The following ZFAND3 variants were observed in gnomAD, a reference collection of about 807,000 sequenced individuals.
The protein encoded by ZFAND3 is zinc finger AN1-type containing 3.
Under a neutral mutation model 29.6 loss-of-function variants are expected in ZFAND3, and 10 were observed. The observed-to-expected ratio is 0.34, with a 90% CI of 0.21 to 0.57. ZFAND3 has a LOEUF of 0.57. ZFAND3 is among the 20% of genes least tolerant of loss of function. The probability of loss-of-function intolerance (pLI) is 0.86; values close to 1 mark genes in which losing one functional copy is unlikely to be tolerated. For synonymous variants in ZFAND3, 128 were observed against 112.6 expected, an observed-to-expected ratio of 1.14 and a Z score of -0.87; for missense variants, 230 against 304.5, an observed-to-expected ratio of 0.76 and a Z score of 1.82.
intron 1 of ZFAND3, among the ~76,000 whole-genome samples, chr6:37,871,770 T>C (rs1764699206): frequency 1.3e-5 from 2 of 152,200 alleles, no homozygotes; most frequent in African/African-American, 4.8e-5. Context: ...TTTAAATGTC[T>C]AGTAATTTTG....
Position 38,134,727 on chromosome 6 carries a change from C to T in ZFAND3, c.530-17508C>T, listed in dbSNP as rs190222831. 3.3e-3 allele frequency among the ~76,000 whole-genome samples: 504 copies of T among 152,272 alleles called. 1 individual carries two copies. Among genetic ancestry groups the T allele is most frequent in the Non-Finnish European group, 5.3e-3 (358 of 68,020 alleles). ...AAGCAGACCAAAGTCCTGATAAGAC[C>T]ACATGACAGCCCTTACTCCTCAGCT... is the stretch of plus-strand genomic sequence containing the variant. On this transcript the variant is annotated intron_variant, in intron 5 of 5. Coordinates refer to ENST00000287218, the MANE Select transcript of ZFAND3 (RefSeq NM_021943.3).
intron 5 of ZFAND3, among the ~76,000 whole-genome samples, chr6:38,130,960 T>G (rs932037852): frequency 3.9e-5 from 6 of 152,178 alleles, no homozygotes; most frequent in Non-Finnish European, 5.9e-5. Context: ...GTTGATATAT[T>G]TTTAATTAGC....
chr6:38,048,255 C>T (rs547640898), intron 2 of ZFAND3, among the ~76,000 whole-genome samples: 4 of 152,102 alleles, frequency 2.6e-5, no homozygotes, highest in Non-Finnish European at 5.9e-5. Flanking sequence ...TGCCCACCTC[C>T]GCCCCTCAAA....
At position 38,153,861 on chromosome 6, in the gene ZFAND3, C is replaced by T; in HGVS notation, c.*1472C>T. The T allele has an allele frequency of 1.0e-6, 1 of 985,520 alleles. No individual in the cohort carries two copies. Among genetic ancestry groups the T allele is most frequent in the Non-Finnish European group, 1.2e-6 (1 of 829,958 alleles). 61.0% of individuals were successfully genotyped at this position (985,520 alleles called of 1,614,324 possible). A position where few individuals can be genotyped will look rare whatever the true frequency, so the allele number is the denominator to read the frequency against. ...CCCCTGCGGAGGCAGCGTGGATCTG[C>T]CCACACATAGGCTACTGGAATAGTT... On this transcript the variant is annotated 3_prime_UTR_variant, in exon 6 of 6. Coordinates refer to ENST00000287218, the MANE Select transcript of ZFAND3 (RefSeq NM_021943.3).
intron 3 of ZFAND3, among the ~76,000 whole-genome samples, chr6:38,074,481 A>G (rs746093217): frequency 9.9e-5 from 15 of 152,186 alleles, no homozygotes; most frequent in Non-Finnish European, 1.9e-4. Flanking sequence ...TTCTCAAGAC[A>G]GAAAATACTA....
At chr6:37,875,688 T>G (rs1764779945) in intron 1 of ZFAND3, among the ~76,000 whole-genome samples, 1 of 152,034 alleles carries the variant, frequency 6.6e-6, no homozygotes, top group South Asian at 2.1e-4. Context: ...CAGGCTGGTC[T>G]TGCTATGTTG....
At chr6:38,067,376 A>C (rs958944608) in intron 3 of ZFAND3, among the ~76,000 whole-genome samples, 2 of 152,204 alleles carry the variant, frequency 1.3e-5, no homozygotes, top group Admixed American at 1.3e-4. Flanking sequence ...TCCATTTCAC[A>C]GGTGTGAAGA....
intron 2 of ZFAND3, among the ~76,000 whole-genome samples, chr6:38,021,636 G>A (rs1038279355): frequency 1.3e-5 from 2 of 152,164 alleles, no homozygotes; most frequent in African/African-American, 4.8e-5. Context: ...TCTTCTTGTG[G>A]TAAATGTCTG....
At chr6:37,919,138 G>A (rs1405351368) in intron 1 of ZFAND3, among the ~76,000 whole-genome samples, 1 of 151,818 alleles carries the variant, frequency 6.6e-6, no homozygotes, top group Non-Finnish European at 1.5e-5. Flanking sequence ...ATTTTTAGTA[G>A]AGACGGGGTT....
intron 2 of ZFAND3, among the ~76,000 whole-genome samples, chr6:38,051,851 G>A: frequency 6.6e-6 from 1 of 151,958 alleles, no homozygotes; most frequent in East Asian, 1.9e-4. Context: ...CTAATGGATT[G>A]TTAGATATTT....
At chr6:37,955,439 T>A (rs887739312) in intron 2 of ZFAND3, among the ~76,000 whole-genome samples, 3 of 152,168 alleles carry the variant, frequency 2.0e-5, no homozygotes, top group Non-Finnish European at 4.4e-5. Flanking sequence ...ACATTGGCCT[T>A]TAGTGATATA....
At chr6:37,995,684 T>G (rs1227930999) in intron 2 of ZFAND3, among the ~76,000 whole-genome samples, 1 of 152,330 alleles carries the variant, frequency 6.6e-6, no homozygotes, top group Non-Finnish European at 1.5e-5. Flanking sequence ...TAAATGAAAT[T>G]TTAGTTTTTA....
chr6:38,024,449 C>T (rs566358729), intron 2 of ZFAND3, among the ~76,000 whole-genome samples: 9 of 143,970 alleles, frequency 6.3e-5, no homozygotes, highest in South Asian at 4.4e-4. Context: ...CCAGGCTGGG[C>T]GACAGAGCGA....
intron 2 of ZFAND3, among the ~76,000 whole-genome samples, chr6:37,949,359 C>T (rs1176820343): frequency 6.6e-6 from 1 of 152,014 alleles, no homozygotes; most frequent in Non-Finnish European, 1.5e-5. Flanking sequence ...TGTTTTTCCT[C>T]TACTCTCACA....
At chr6:38,098,481 A>C (rs1765026791) in intron 4 of ZFAND3, among the ~76,000 whole-genome samples, 1 of 151,432 alleles carries the variant, frequency 6.6e-6, no homozygotes, top group Non-Finnish European at 1.5e-5. Flanking sequence ...ATGTTGTAAG[A>C]AAATGAAAAC....
chr6:38,013,379 G>C (rs1763194795), intron 2 of ZFAND3, among the ~76,000 whole-genome samples: 1 of 152,162 alleles, frequency 6.6e-6, no homozygotes, highest in Admixed American at 6.5e-5. Flanking sequence ...TCACCAGTCT[G>C]TGAACCTTCA....
chr6:37,993,321 T>TA (rs779086331), intron 2 of ZFAND3, among the ~76,000 whole-genome samples: 1 of 151,790 alleles, frequency 6.6e-6, no homozygotes, highest in Non-Finnish European at 1.5e-5. Context: ...TATTTTATTA[T>TA]TTATTTATTT....
intron 1 of ZFAND3, among the ~76,000 whole-genome samples, chr6:37,891,738 G>C (rs1396357834): frequency 6.6e-6 from 1 of 151,824 alleles, no homozygotes; most frequent in African/African-American, 2.4e-5. Flanking sequence ...ATTCTTTTTT[G>C]TTGTTGTTGA....
At position 37,891,593 on chromosome 6, in the gene ZFAND3, T is replaced by TAAATA. The variant is rs142117638; in HGVS notation, c.72-38364_72-38363insATAAA. Among the ~76,000 whole-genome samples the TAAATA allele has an allele frequency of 1.7e-3, 222 of 131,128 alleles. 1 individual carries two copies. The highest frequency in any genetic ancestry group is 4.3e-3 in the African/African-American group (158 of 36,870). The allele number at this position is 131,128 out of a possible 152,430, so 86.0% of individuals were successfully genotyped here. On this transcript the variant is annotated intron_variant, in intron 1 of 5. Coordinates refer to ENST00000287218, the MANE Select transcript of ZFAND3 (RefSeq NM_021943.3). ...CTCCAGCCTGGGCTAAATAAATAAA[T>TAAATA]AATAAATAAATAAATAAATCATAGA...
Sources: allele counts gnomAD v4.1 joint callset (sites outside exome capture counted in the v4.1 genomes callset), GRCh38; gene constraint gnomAD v4.1.1; transcripts MANE v1.5; gene names NCBI Gene and HGNC (gene_info 2026-07-23, HGNC 2026-07-21).